The following LYPLAL1 variants were observed in gnomAD, a reference collection of about 807,000 sequenced individuals.
The protein encoded by LYPLAL1 is lysophospholipase-like protein 1.
Under a neutral mutation model 19.7 loss-of-function variants are expected in LYPLAL1, and 23 were observed. The observed-to-expected ratio is 1.17, with a 90% CI of 0.84 to 1.65. The LOEUF (loss-of-function observed/expected upper bound fraction) is 1.65. LYPLAL1 is among the 40% of genes most tolerant of loss of function. The pLI is 0.00. For synonymous variants in LYPLAL1, 119 were observed against 96.3 expected, an observed-to-expected ratio of 1.24 and a Z score of -1.38; for missense variants, 355 against 279.4, an observed-to-expected ratio of 1.27 and a Z score of -1.93.
At chr1:219,199,491 G>C (rs1212212059) in intron 3 of LYPLAL1, among the ~76,000 whole-genome samples, 1 of 151,236 alleles carries the variant, frequency 6.6e-6, no homozygotes, top group African/African-American at 2.4e-5. Context: ...CGCCCAAGCT[G>C]GAGTGCAGTG....
the LYPLAL1 span, among the ~76,000 whole-genome samples, chr1:219,225,996 C>T: frequency 1.3e-5 from 2 of 152,126 alleles, no homozygotes; most frequent in African/African-American, 2.4e-5. Flanking sequence ...ACAAACTAAA[C>T]GTTTTAGACA....
chr1:219,217,813 G>T (rs1481060816), downstream of LYPLAL1, among the ~76,000 whole-genome samples: 2 of 151,960 alleles, frequency 1.3e-5, no homozygotes, highest in African/African-American at 2.4e-5. Flanking sequence ...ATTTCCTAAG[G>T]CCAGGAAGTT....
At chr1:219,413,194 G>A in the LYPLAL1 span, among the ~76,000 whole-genome samples, 6 of 152,116 alleles carry the variant, frequency 3.9e-5, no homozygotes, top group South Asian at 6.2e-4. Context: ...GAATAATAAT[G>A]TGATTTAGAA....
At chr1:219,174,228 C>T in intron 1 of LYPLAL1, 2 of 1,386,872 alleles carry the variant, frequency 1.4e-6, no homozygotes, top group East Asian at 5.5e-5. Context: ...TTGTGTCCCG[C>T]CGCTCAGCCA....
rs750453046 is a variant in LYPLAL1, at chr1:219,211,684, T to C, written c.670T>C (p.Trp224Arg). 34 of 1,612,162 alleles carry C rather than the reference T, an allele frequency of 2.1e-5. No individual in the cohort carries two copies. In the South Asian group the frequency reaches 3.0e-4, roughly 14 times the overall value. The stretch of plus-strand genomic sequence containing the variant: ...AACTGAGTTAGACATATTGAAGTTA[T>C]GGATTCTTACAAAGCTGCCAGGAGA... The part of the protein sequence containing the change: ...SKTELDILKL[W>R]ILTKLPGEME... Residue 224 changes from tryptophan (W) to arginine (R), a missense_variant, in exon 5 of 5, where the codon TGG (tryptophan) becomes CGG (arginine). Trp to Arg is a moderately radical substitution (Grantham distance 101, BLOSUM62 -3). Transcript: ENST00000366928.
the LYPLAL1 span, among the ~76,000 whole-genome samples, chr1:219,239,080 C>T: frequency 6.6e-6 from 1 of 152,100 alleles, no homozygotes; most frequent in Non-Finnish European, 1.5e-5. Context: ...TCTGTCATAA[C>T]CCCCCTCCTA....
chr1:219,201,367 T>C (rs2125090811), intron 3 of LYPLAL1, among the ~76,000 whole-genome samples: 1 of 152,020 alleles, frequency 6.6e-6, no homozygotes, highest in East Asian at 1.9e-4. Flanking sequence ...GAGTTTATTT[T>C]TGTTTCTTTC....
At chr1:219,278,678 A>AAACAACAACAATAAC in the LYPLAL1 span, among the ~76,000 whole-genome samples, 7 of 150,630 alleles carry the variant, frequency 4.6e-5, no homozygotes, top group African/African-American at 1.7e-4. Flanking sequence ...AAAAATCACT[A>AAACAACAACAATAAC]AACAACAACA....
At chr1:219,243,919 C>CAAA in the LYPLAL1 span, among the ~76,000 whole-genome samples, 6 of 129,034 alleles carry the variant, frequency 4.6e-5, no homozygotes, top group African/African-American at 1.2e-4. Context: ...AACTCCATCT[C>CAAA]AAAAAAAAAA....
At chr1:219,266,740 A>G in the LYPLAL1 span, among the ~76,000 whole-genome samples, 1 of 152,168 alleles carries the variant, frequency 6.6e-6, no homozygotes, top group African/African-American at 2.4e-5. Context: ...TGAGTCACTT[A>G]AGGATAGGGC....
At chr1:219,257,166 T>A in the LYPLAL1 span, among the ~76,000 whole-genome samples, 1 of 151,998 alleles carries the variant, frequency 6.6e-6, no homozygotes, top group East Asian at 1.9e-4. Flanking sequence ...CTGCTATGAT[T>A]GTTAATTTGT....
At chr1:219,222,141 C>T in the LYPLAL1 span, 8 of 148,886 alleles carry the variant, frequency 5.4e-5, no homozygotes, top group African/African-American at 1.7e-4. Context: ...TGTCCTATAT[C>T]AAATCATCCT....
chr1:219,332,606 C>T, the LYPLAL1 span, among the ~76,000 whole-genome samples: 2 of 151,968 alleles, frequency 1.3e-5, no homozygotes, highest in African/African-American at 4.8e-5. Context: ...ATCATTTTGC[C>T]ATTTTGAGTC....
the LYPLAL1 span, among the ~76,000 whole-genome samples, chr1:219,309,089 C>G: frequency 6.6e-6 from 1 of 152,198 alleles, no homozygotes; most frequent in Non-Finnish European, 1.5e-5. Flanking sequence ...GATGTGAGAC[C>G]TGGAGTCAAG....
chr1:219,419,588 C>CAGAGAGAGAGAGAGAGAG, the LYPLAL1 span, among the ~76,000 whole-genome samples: 3 of 75,964 alleles, frequency 3.9e-5, no homozygotes, highest in African/African-American at 1.2e-4. Flanking sequence ...CACACACACA[C>CAGAGAGAGAGAGAGAGAG]ACACACAGAG....
At chr1:219,179,442 C>A in intron 2 of LYPLAL1, 196 bp downstream of exon 2, 1 of 525,146 alleles carries the variant, frequency 1.9e-6, no homozygotes, top group Admixed American at 3.9e-5. Context: ...TAATTTATTC[C>A]CTTTCTGTAA....
At chr1:219,293,242 G>A in the LYPLAL1 span, among the ~76,000 whole-genome samples, 3 of 151,834 alleles carry the variant, frequency 2.0e-5, no homozygotes, top group Non-Finnish European at 2.9e-5. Context: ...TCTGGTCTCC[G>A]CAAACCATAC....
chr1:219,236,128 A>T, the LYPLAL1 span, among the ~76,000 whole-genome samples: 1 of 152,210 alleles, frequency 6.6e-6, no homozygotes, highest in Admixed American at 6.5e-5. Context: ...CCCATGTGGG[A>T]TGATTGAAGC....
At chr1:219,204,505 C>T (rs1319442605) in intron 3 of LYPLAL1, among the ~76,000 whole-genome samples, 1 of 152,056 alleles carries the variant, frequency 6.6e-6, no homozygotes, top group East Asian at 1.9e-4. Flanking sequence ...TCATTTTTCC[C>T]TTGTGTATTG....
Sources: gnomAD v4.1 joint callset for allele counts (sites outside exome capture counted in the v4.1 genomes callset) on GRCh38, gnomAD v4.1.1 for gene constraint, MANE v1.5 for transcripts, NCBI Gene and HGNC (gene_info 2026-07-23, HGNC 2026-07-21) for gene names.